The following SEZ6 variants were observed in gnomAD, a reference collection of about 807,000 sequenced individuals.
The protein encoded by SEZ6 is seizure related 6 homolog, also known as seizure protein 6 homolog.
Under a neutral mutation model 101.0 loss-of-function variants are expected in SEZ6, and 53 were observed. The ratio of observed to expected loss-of-function variants is 0.52; its 90% confidence interval spans 0.42 to 0.66. SEZ6 has a LOEUF of 0.66. Among genes scored for constraint, SEZ6 ranks in the 30% least tolerant of loss-of-function variants. The pLI is 0.00. For synonymous variants in SEZ6, 488 were observed against 512.2 expected (o/e 0.95, Z 0.64); for missense variants, 1,102 against 1,289.4 (o/e 0.85, Z 2.23).
chr17:28,998,974 C>A (rs1353153923), intron 1 of SEZ6, among the ~76,000 whole-genome samples: 1 of 152,184 alleles, frequency 6.6e-6, no homozygotes, highest in Non-Finnish European at 1.5e-5. Context: ...GAGAGATAGT[C>A]ACAACTGAGC....
At chr17:28,982,519 G>A (rs2041323415) in intron 1 of SEZ6, among the ~76,000 whole-genome samples, 1 of 152,230 alleles carries the variant, frequency 6.6e-6, no homozygotes, top group Non-Finnish European at 1.5e-5. Flanking sequence ...CCACCACAGT[G>A]TCTTTCCTGT....
chr17:28,983,275 A>T (rs1054333932), intron 1 of SEZ6, among the ~76,000 whole-genome samples: 1 of 152,204 alleles, frequency 6.6e-6, no homozygotes, highest in Non-Finnish European at 1.5e-5. Context: ...TGTCCCCCTG[A>T]GTTCCCTTAA....
chr17:28,956,433 A>C lies in SEZ6; in HGVS notation c.2766T>G (p.Asp922Glu), dbSNP rs1234200001. The C allele has an allele frequency of 6.4e-7, 1 of 1,562,278 alleles. No homozygotes were observed. The highest frequency in any genetic ancestry group is 8.7e-7 in the Non-Finnish European group (1 of 1,153,480). Residue 922 changes from aspartate to glutamate, a missense_variant, in exon 15 of 17, where the codon GAT becomes GAG. Physicochemically the swap from Asp to Glu is conservative, Grantham distance 45 (BLOSUM62 2). Transcript: ENST00000317338. ...AKAPAASSTL[D>E]AAHIAAAIFL... The stretch of plus-strand genomic sequence containing the variant: ...AGATGGCAGCTGCAATGTGGGCAGC[A>C]TCCAGGGTGCTGGAGGCAGCAGGTG...
Position 28,989,160 on chromosome 17 carries a change from C to G in SEZ6, c.56-7121G>C, listed in dbSNP as rs556656265. On this transcript the variant is annotated intron_variant, in intron 1 of 16. Coordinates refer to ENST00000317338, the MANE Select transcript of SEZ6 (RefSeq NM_178860.5). ...ACAAGCCAGGTCCCTCAGCACAAATCACTTCCACAACCTGAGTTTCCATAT... is the reference window on the plus strand; with the variant it reads ...ACAAGCCAGGTCCCTCAGCACAAATGACTTCCACAACCTGAGTTTCCATAT... Among the ~76,000 whole-genome samples, 3 of 152,310 alleles carry G rather than the reference C, an allele frequency of 2.0e-5. No homozygotes were observed. The East Asian group carries it at 5.8e-4, about 29-fold the overall frequency.
rs56755199 is a variant in SEZ6, at chr17:28,994,272, CTT to C, written c.55+11541_55+11542del. Among the ~76,000 whole-genome samples, 127 of 147,586 alleles carry C rather than the reference CTT, an allele frequency of 8.6e-4. No individual in the cohort carries two copies. In the East Asian group the frequency reaches 0.014, roughly 17 times the overall value. ...TTTTCACACAGTATTTGGTTACTGA[CTT>C]TTTTTTTTTTTCCTTTTTGGAGACG... is the stretch of plus-strand genomic sequence containing the variant. On this transcript the variant is annotated intron_variant, in intron 1 of 16. Coordinates refer to ENST00000317338, the MANE Select transcript of SEZ6 (RefSeq NM_178860.5).
chr17:28,981,380 G>A lies in SEZ6; in HGVS notation c.715C>T (p.Gln239Ter). 1.3e-6 allele frequency: 2 copies of A among 1,549,212 alleles called. No homozygotes were observed. The highest frequency in any genetic ancestry group is 1.7e-6 in the Non-Finnish European group (2 of 1,145,300). Residue 239 changes from glutamine (Q) to a stop codon, truncating the protein, a stop_gained, in exon 2 of 17, where the codon CAG becomes TAG. Coordinates refer to ENST00000317338, the MANE Select transcript of SEZ6 (RefSeq NM_178860.5). LOFTEE classifies it high-confidence loss of function. ...TIITTTITTV[Q>*]TPGPCSWNFS... ...CCAGCAGGTAGCTGACCTGGTGTCT[G>A]GACTGTGGTGATGGTGGTGGTGATG... is the stretch of plus-strand genomic sequence containing the variant.
rs2041668785 is a variant in SEZ6 at position 29,005,086 on chromosome 17, TG to T, written c.55+728del. On this transcript the variant is annotated intron_variant, in intron 1 of 16. Coordinates refer to ENST00000317338, the MANE Select transcript of SEZ6 (RefSeq NM_178860.5). This position sits in a 1 kb window ranked among gnomAD's most constrained non-coding sequence, Gnocchi z 4.8. ...GCAGAGCTCGGGGCAGTGGTGTGTGTGTGTGTGTGTGTGTGTGTGTGTGTGT... is the reference window on the plus strand; with the variant it reads ...GCAGAGCTCGGGGCAGTGGTGTGTGTTGTGTGTGTGTGTGTGTGTGTGTGT... 2.7e-5 allele frequency among the ~76,000 whole-genome samples: 4 copies of T among 146,860 alleles called. No homozygotes were observed. The highest frequency in any genetic ancestry group is 4.5e-5 in the Non-Finnish European group (3 of 67,326).
In SEZ6 at chr17:28,960,650, G is replaced by C; in HGVS notation, c.1431C>G (p.Asp477Glu). 1.2e-6 allele frequency: 2 copies of C among 1,603,300 alleles called. No individual in the cohort carries two copies. Among genetic ancestry groups the C allele is most frequent in the African/African-American group, 1.3e-5 (1 of 74,778 alleles). ...CATACACTGGTGGGGCCTCCACGTT[G>C]TCCCCATTGCGAATGATGAGCCTGA... Reference protein sequence around the residue: ...DDDRLIIRNGDNVEAPPVYDS... With the variant: ...DDDRLIIRNGENVEAPPVYDS... The change falls in exon 7 of 17, where the codon GAC becomes GAG. Residue 477 changes from aspartate to glutamate, a missense_variant. Around this residue, in one of 3 missense-constraint regions of SEZ6, gnomAD observed 556 missense variants for 735.1 expected, o/e 0.76. Transcript: ENST00000317338.
chr17:29,005,804 G>T lies in SEZ6; in HGVS notation c.55+11C>A. On this transcript the variant is annotated intron_variant, in intron 1 of 16. Coordinates refer to ENST00000317338, the MANE Select transcript of SEZ6 (RefSeq NM_178860.5). This position sits in a 1 kb window ranked among gnomAD's most constrained non-coding sequence, Gnocchi z 4.8. ...GCCCCCGTCCTGCCGCCGGATGCCG[G>T]GGTCCCTTACCGTGAGCCAGGAGCG... 6.7e-7 allele frequency: 1 copy of T among 1,484,416 alleles called. No individual in the cohort carries two copies. The allele number at this position is 1,484,416 out of a possible 1,614,324, so 92.0% of individuals were successfully genotyped here.
Position 28,958,014 on chromosome 17 carries a change from C to T in SEZ6, c.2235G>A (p.Val745=). ...TYQCYPGYQV[V]GSSVLMCQWD... The stretch of plus-strand genomic sequence containing the variant: ...ACTGGCACATGAGGACACTGGATCC[C>T]ACTACCTGGTAGCCAGGGTAGCACT... Residue 745 remains valine (V), a synonymous_variant, in exon 11 of 17, where the codon GTG becomes GTA. Transcript: ENST00000317338. 1 of 1,613,970 alleles carries T rather than the reference C, an allele frequency of 6.2e-7. No homozygotes were observed. The highest frequency in any genetic ancestry group is 8.5e-7 in the Non-Finnish European group (1 of 1,179,858).
chr17:29,003,734 A>G (rs545466678), intron 1 of SEZ6, among the ~76,000 whole-genome samples: 30 of 152,316 alleles, frequency 2.0e-4, no homozygotes, highest in African/African-American at 7.0e-4. Context: ...CTGACATCCC[A>G]GCCCTCTCAT....
In SEZ6 at chr17:28,961,687, A is replaced by G. The variant is rs557275619; in HGVS notation, c.1241-714T>C. 5.3e-5 allele frequency among the ~76,000 whole-genome samples: 8 copies of G among 152,182 alleles called. No homozygotes were observed. The South Asian group carries it at 1.7e-3, about 32-fold the overall frequency. ...GAGACTGAACAGTTTGCCTATGGCT[A>G]TCTGTGAGGATTGCTGGGTTACTTG... On this transcript the variant is annotated intron_variant, in intron 5 of 16. Coordinates refer to ENST00000317338, the MANE Select transcript of SEZ6 (RefSeq NM_178860.5).
At chr17:28,972,542 AG>A (rs1011602455) in intron 3 of SEZ6, among the ~76,000 whole-genome samples, 18 of 152,218 alleles carry the variant, frequency 1.2e-4, no homozygotes, top group African/African-American at 4.1e-4. Context: ...GGCTCAAGGC[AG>A]GGTGCTGGAG....
intron 1 of SEZ6, among the ~76,000 whole-genome samples, chr17:28,985,986 G>T (rs2041376260): frequency 6.6e-6 from 1 of 152,128 alleles, no homozygotes; most frequent in African/African-American, 2.4e-5. Context: ...CGAGTGGGCT[G>T]GGTCCGGGAA....
intron 4 of SEZ6, among the ~76,000 whole-genome samples, chr17:28,968,668 G>A (rs1210572493): frequency 1.3e-5 from 2 of 152,150 alleles, no homozygotes. Flanking sequence ...GGAGGGGTGA[G>A]GGTAGGGTGA....
chr17:28,970,016 C>A (rs2041128777), intron 3 of SEZ6, 64 bp from the exon 4 acceptor site: 4 of 1,423,526 alleles, frequency 2.8e-6, no homozygotes, highest in Non-Finnish European at 2.8e-6. Context: ...CTGGATCCTG[C>A]CGCCCTCAGG....
chr17:28,957,894 A>C (rs2040909820), intron 11 of SEZ6, 53 bp downstream of exon 11: 2 of 1,569,170 alleles, frequency 1.3e-6, no homozygotes, highest in Non-Finnish European at 1.7e-6. Flanking sequence ...AATCCAGGAG[A>C]GAGGTTTGGA....
intron 7 of SEZ6, 56 bp downstream of exon 7, chr17:28,960,449 G>A: frequency 6.5e-7 from 1 of 1,550,184 alleles, no homozygotes; most frequent in Non-Finnish European, 8.7e-7. Context: ...AAAGACCCTA[G>A]GCCCGAGCCC....
intron 1 of SEZ6, among the ~76,000 whole-genome samples, chr17:28,982,788 C>G (rs901839027): frequency 6.6e-6 from 1 of 152,082 alleles, no homozygotes; most frequent in Non-Finnish European, 1.5e-5. Context: ...AGTCCCCACA[C>G]CCCCACTTCT....
Sources: allele counts gnomAD v4.1 joint callset (sites outside exome capture counted in the v4.1 genomes callset), GRCh38; gene constraint gnomAD v4.1.1; regional missense constraint gnomAD v4.1.1; non-coding constraint Gnocchi (gnomAD v3.1); transcripts MANE v1.5; gene names NCBI Gene and HGNC (gene_info 2026-07-23, HGNC 2026-07-21).